Variants in EXOC4 observed in about 807,000 individuals in gnomAD.
EXOC4 encodes the protein exocyst complex component 4.
A neutral mutation model predicts 107.2 loss-of-function variants in EXOC4; 71 were observed. The ratio of observed to expected loss-of-function variants is 0.66; its 90% CI spans 0.55 to 0.81. The LOEUF (loss-of-function observed/expected upper bound fraction) is 0.81. EXOC4 is among the 30% of genes least tolerant of loss of function. EXOC4 has a pLI of 0.00. For synonymous variants in EXOC4, 456 were observed against 441.2 expected (o/e 1.03, Z -0.42); for missense variants, 1,108 against 1,189.6 (o/e 0.93, Z 1.01).
intron 10 of EXOC4, among the ~76,000 whole-genome samples, chr7:133,690,194 G>C (rs1794389614): frequency 6.6e-6 from 1 of 152,182 alleles, no homozygotes; most frequent in Non-Finnish European, 1.5e-5. Context: ...TCTCTTGGGT[G>C]TAGTGCGGGA....
intron 10 of EXOC4, among the ~76,000 whole-genome samples, chr7:133,726,685 C>A (rs1319237455): frequency 6.6e-5 from 10 of 152,212 alleles, no homozygotes; most frequent in Admixed American, 1.3e-4. Flanking sequence ...CTACTAGGAG[C>A]CCTTTCAAAT....
At chr7:134,012,516 G>A (rs1389504861) in intron 17 of EXOC4, among the ~76,000 whole-genome samples, 1 of 152,190 alleles carries the variant, frequency 6.6e-6, no homozygotes, top group Non-Finnish European at 1.5e-5. Flanking sequence ...CCAGACCATA[G>A]GAGAGGCTAT....
intron 5 of EXOC4, among the ~76,000 whole-genome samples, chr7:133,349,488 T>C (rs1795860124): frequency 6.6e-6 from 1 of 152,188 alleles, no homozygotes; most frequent in African/African-American, 2.4e-5. Context: ...TGTGTCAGAA[T>C]TTCCTTCCTT....
At chr7:134,070,211 G>C (rs1039304909), downstream of EXOC4, among the ~76,000 whole-genome samples, 1 of 152,206 alleles carries the variant, frequency 6.6e-6, no homozygotes, top group African/African-American at 2.4e-5. Context: ...TGTCAACCCT[G>C]TCCTAATTAG....
intron 10 of EXOC4, among the ~76,000 whole-genome samples, chr7:133,787,978 TA>T (rs1796621359): frequency 2.9e-5 from 2 of 68,784 alleles, no homozygotes; most frequent in Non-Finnish European, 5.7e-5. Flanking sequence ...TATATATATA[TA>T]TATATATATA....
intron 10 of EXOC4, among the ~76,000 whole-genome samples, chr7:133,793,005 C>T (rs909138988): frequency 6.6e-6 from 1 of 152,046 alleles, no homozygotes; most frequent in Non-Finnish European, 1.5e-5. Context: ...GGAAGATGCA[C>T]GTGGACAATC....
chr7:133,544,850 CT>C (rs1245881713), intron 9 of EXOC4, among the ~76,000 whole-genome samples: 7 of 142,994 alleles, frequency 4.9e-5, no homozygotes, highest in Non-Finnish European at 9.1e-5. Flanking sequence ...TTTTTTTCCC[CT>C]GGTCACTGTT....
chr7:134,041,909 T>C (rs1446706581), intron 17 of EXOC4, among the ~76,000 whole-genome samples: 1 of 152,206 alleles, frequency 6.6e-6, no homozygotes, highest in African/African-American at 2.4e-5. Context: ...ATTTAAAGGC[T>C]TTAAAAATCC....
Position 133,564,276 on chromosome 7 carries a change from G to T in EXOC4, c.1418-65769G>T, listed in dbSNP as rs1002205547. On this transcript the variant is annotated intron_variant, in intron 9 of 17. Transcript: ENST00000253861. ...GAAAGCAGGCCTATCTTACATGGCC[G>T]GGGTAGAAGCAAGAGAGAGAAGGGG... Among the ~76,000 whole-genome samples, 3 of 152,084 alleles carry T rather than the reference G, an allele frequency of 2.0e-5. No homozygotes were observed. The East Asian group carries it at 5.8e-4, about 29-fold the overall frequency.
chr7:133,944,003 A>G (rs1195196795), intron 14 of EXOC4, among the ~76,000 whole-genome samples: 2 of 152,130 alleles, frequency 1.3e-5, no homozygotes, highest in Admixed American at 1.3e-4. Context: ...GTTGTATAAT[A>G]TTTTTAGATT....
chr7:133,774,755 G>T (rs1796311425), intron 10 of EXOC4, among the ~76,000 whole-genome samples: 1 of 151,986 alleles, frequency 6.6e-6, no homozygotes, highest in Admixed American at 6.6e-5. Flanking sequence ...GGATGTTTTA[G>T]GTGAACTAAA....
At position 133,840,163 on chromosome 7, in the gene EXOC4, A is replaced by G. The variant is rs116773586; in HGVS notation, c.1734+22619A>G. ...TATAGTGGCATACCTTATTGAGGGG[A>G]ATAGATACATTTTCATATATACCTA... is the stretch of plus-strand genomic sequence containing the variant. On this transcript the variant is annotated intron_variant, in intron 11 of 17. Coordinates refer to ENST00000253861, the MANE Select transcript of EXOC4 (RefSeq NM_021807.4). Among the ~76,000 whole-genome samples the G allele has an allele frequency of 2.4e-3, 366 of 152,378 alleles. 5 individuals carry two copies. The highest frequency in any genetic ancestry group is 8.2e-3 in the African/African-American group (342 of 41,600).
chr7:133,255,112 C>T (rs1246320735), intron 1 of EXOC4, among the ~76,000 whole-genome samples: 2 of 151,896 alleles, frequency 1.3e-5, no homozygotes, highest in African/African-American at 4.8e-5. Context: ...CATTTTATCA[C>T]TGTGATTTAG....
At chr7:134,069,150 C>G (rs1796230868), downstream of EXOC4, among the ~76,000 whole-genome samples, 1 of 152,164 alleles carries the variant, frequency 6.6e-6, no homozygotes, top group Non-Finnish European at 1.5e-5. Flanking sequence ...GCTTAGGACT[C>G]TCACGATCCA....
intron 6 of EXOC4, among the ~76,000 whole-genome samples, chr7:133,372,708 G>T (rs987148399): frequency 6.6e-6 from 1 of 152,188 alleles, no homozygotes; most frequent in African/African-American, 2.4e-5. Context: ...TTTGCTGCTG[G>T]TTCACAATCC....
intron 10 of EXOC4, among the ~76,000 whole-genome samples, chr7:133,815,132 CT>C (rs1167415865): frequency 1.3e-5 from 2 of 151,848 alleles, no homozygotes; most frequent in Admixed American, 1.3e-4. Context: ...ACGTTAAAAA[CT>C]TTTGGGAGGC....
intron 10 of EXOC4, among the ~76,000 whole-genome samples, chr7:133,710,070 G>A (rs1027430869): frequency 2.6e-5 from 4 of 152,108 alleles, no homozygotes; most frequent in African/African-American, 9.7e-5. Flanking sequence ...ATTTTTATCA[G>A]CCATAAAATA....
intron 14 of EXOC4, among the ~76,000 whole-genome samples, chr7:133,960,410 A>G (rs1800915371): frequency 6.6e-6 from 1 of 152,154 alleles, no homozygotes; most frequent in Non-Finnish European, 1.5e-5. Flanking sequence ...ATCTTGTGGA[A>G]TAGTGTCAAT....
At chr7:134,015,552 C>T (rs1241148036) in intron 17 of EXOC4, among the ~76,000 whole-genome samples, 2 of 152,132 alleles carry the variant, frequency 1.3e-5, no homozygotes, top group Admixed American at 1.3e-4. Flanking sequence ...AACTGGAGGC[C>T]TTGCCAATCA....
Sources: gnomAD v4.1 joint callset for allele counts (sites outside exome capture counted in the v4.1 genomes callset) on GRCh38, gnomAD v4.1.1 for gene constraint, MANE v1.5 for transcripts, NCBI Gene and HGNC (gene_info 2026-07-23, HGNC 2026-07-21) for gene names.